NR3C2: variants seen among roughly 807,000 people sequenced by gnomAD.
NR3C2 encodes mineralocorticoid receptor.
Under a neutral mutation model 86.4 loss-of-function variants are expected in NR3C2, and 15 were observed. The observed-to-expected ratio is 0.17, with a 90% CI of 0.12 to 0.27. NR3C2 has a LOEUF of 0.27. Ranked by LOEUF, NR3C2 falls within the 10% of genes least tolerant of loss-of-function variation. NR3C2 has a pLI of 1.00. For missense variants in NR3C2, 960 were observed against 1,195.6 expected (o/e 0.80, Z 2.91); for synonymous variants, 458 against 450.5 (o/e 1.02, Z -0.21).
intron 3 of NR3C2, among the ~76,000 whole-genome samples, chr4:148,246,132 C>A (rs554943421): frequency 6.6e-6 from 1 of 152,040 alleles, no homozygotes; most frequent in East Asian, 1.9e-4. Flanking sequence ...AAACAGAGGG[C>A]TCTCTCCATG....
At chr4:148,198,848 A>C (rs1267797023) in intron 3 of NR3C2, among the ~76,000 whole-genome samples, 1 of 151,922 alleles carries the variant, frequency 6.6e-6, no homozygotes, top group Non-Finnish European at 1.5e-5. Flanking sequence ...TGGGAGGCCG[A>C]GGTGGGTGGA....
At chr4:148,130,236 C>CT (rs907758953) in intron 6 of NR3C2, among the ~76,000 whole-genome samples, 48 of 152,320 alleles carry the variant, frequency 3.2e-4, no homozygotes, top group African/African-American at 1.1e-3. Flanking sequence ...CTTTATCACT[C>CT]TTTTCTCTTT....
At chr4:148,379,539 A>G (rs540731083) in intron 2 of NR3C2, among the ~76,000 whole-genome samples, 1 of 152,344 alleles carries the variant, frequency 6.6e-6, no homozygotes, top group East Asian at 1.9e-4. Flanking sequence ...AGATTTCCTA[A>G]GCTGAATTTC....
At chr4:148,260,174 T>C (rs1740026074) in intron 2 of NR3C2, 57 bp from the exon 3 acceptor site, 10 of 1,607,016 alleles carry the variant, frequency 6.2e-6, no homozygotes, top group Non-Finnish European at 8.5e-6. Context: ...TTTAACATGC[T>C]GCACAGCTTA....
intron 2 of NR3C2, among the ~76,000 whole-genome samples, chr4:148,353,628 T>C (rs1454775917): frequency 1.3e-5 from 2 of 152,188 alleles, no homozygotes; most frequent in African/African-American, 4.8e-5. Context: ...TTTTCTATGA[T>C]GAATGAGTTT....
At chr4:148,370,831 G>A (rs1431022316) in intron 2 of NR3C2, among the ~76,000 whole-genome samples, 2 of 152,060 alleles carry the variant, frequency 1.3e-5, no homozygotes, top group African/African-American at 4.8e-5. Context: ...TTTACACTGA[G>A]GGTCAGTATC....
chr4:148,219,604 G>C (rs80238364), intron 3 of NR3C2, among the ~76,000 whole-genome samples: 1,664 of 152,232 alleles, frequency 0.011, 13 homozygotes, highest in Middle Eastern at 0.034. Context: ...ACAATTATCT[G>C]AAAAGGCTCT....
Position 148,402,664 on chromosome 4 carries a change from A to G in NR3C2, c.1757+32440T>C, listed in dbSNP as rs1333453009. On this transcript the variant is annotated intron_variant, in intron 2 of 8. Coordinates refer to ENST00000358102, the MANE Select transcript of NR3C2 (RefSeq NM_000901.5). ...TAAGTCCTTGAGGTAAGGAACTTCAATATCTTCATTTCAATATCCCTAGTA... is the reference window on the plus strand; with the variant it reads ...TAAGTCCTTGAGGTAAGGAACTTCAGTATCTTCATTTCAATATCCCTAGTA... 3.3e-5 allele frequency among the ~76,000 whole-genome samples: 5 copies of G among 152,332 alleles called. No individual in the cohort carries two copies. The East Asian group carries it at 7.7e-4, about 23-fold the overall frequency.
At chr4:148,183,735 G>A (rs1243513934) in intron 4 of NR3C2, among the ~76,000 whole-genome samples, 2 of 152,132 alleles carry the variant, frequency 1.3e-5, no homozygotes, top group Non-Finnish European at 2.9e-5. Flanking sequence ...AATGCCAATT[G>A]TTTATTCATG....
In NR3C2 at chr4:148,264,164, G is replaced by A. The variant is rs72655245; in HGVS notation, c.1758-4047C>T. Among the ~76,000 whole-genome samples, 934 of 152,258 alleles carry A rather than the reference G, an allele frequency of 6.1e-3. 7 individuals carry two copies. The highest frequency in any genetic ancestry group is 0.021 in the African/African-American group (889 of 41,548). ...AAAAAGAATCCAGGGACAGACTATT[G>A]TCAAAAGCTCAGCCAGCTGTCTTGC... On this transcript the variant is annotated intron_variant, in intron 2 of 8. Transcript: ENST00000358102.
chr4:148,426,962 T>C (rs1749567439), intron 2 of NR3C2, among the ~76,000 whole-genome samples: 1 of 140,464 alleles, frequency 7.1e-6, no homozygotes, highest in African/African-American at 2.7e-5. Context: ...TTTCTTTTTC[T>C]TTTTTTTTTT....
Position 148,154,531 on chromosome 4 carries a change from G to A in NR3C2, c.2365+20C>T. 1 of 1,610,730 alleles carries A rather than the reference G, an allele frequency of 6.2e-7. No homozygotes were observed. The highest frequency in any genetic ancestry group is 8.5e-7 in the Non-Finnish European group (1 of 1,176,976). The stretch of plus-strand genomic sequence containing the variant: ...TTGTTAAGTTCAGGATGCAGCCTGT[G>A]AAAGGAGAGGCAATCCTACCTGGAA... On this transcript the variant is annotated intron_variant, in intron 5 of 8. Transcript: ENST00000358102.
intron 2 of NR3C2, among the ~76,000 whole-genome samples, chr4:148,416,637 C>G (rs1463582431): frequency 6.6e-6 from 1 of 152,208 alleles, no homozygotes; most frequent in Non-Finnish European, 1.5e-5. Context: ...GCGATGGTCT[C>G]TATGCTCCCT....
intron 3 of NR3C2, among the ~76,000 whole-genome samples, chr4:148,249,741 A>G (rs762400127): frequency 2.6e-5 from 4 of 152,180 alleles, no homozygotes; most frequent in Admixed American, 2.6e-4. Context: ...ATTCACTGTT[A>G]ATTAGCAAGA....
intron 4 of NR3C2, among the ~76,000 whole-genome samples, chr4:148,156,771 GA>G (rs1372232660): frequency 6.6e-6 from 1 of 152,154 alleles, no homozygotes; most frequent in African/African-American, 2.4e-5. Flanking sequence ...TCTAGAACTG[GA>G]AATACCATTT....
chr4:148,232,396 G>A (rs759360487), intron 3 of NR3C2, among the ~76,000 whole-genome samples: 3 of 152,184 alleles, frequency 2.0e-5, no homozygotes, highest in South Asian at 2.1e-4. Context: ...GACTAGGTGC[G>A]TTGTCAGCAT....
intron 3 of NR3C2, among the ~76,000 whole-genome samples, chr4:148,212,151 A>AT (rs1307108891): frequency 2.0e-5 from 3 of 152,246 alleles, no homozygotes; most frequent in African/African-American, 7.2e-5. Flanking sequence ...GCAGCACTGC[A>AT]TTATCTTAAT....
intron 3 of NR3C2, 27 bp from the exon 4 acceptor site, chr4:148,194,889 TTAAAA>T (rs774732922): frequency 1.4e-5 from 21 of 1,480,834 alleles, no homozygotes; most frequent in African/African-American, 5.5e-5. Flanking sequence ...AAAATAACTG[TTAAAA>T]TAGAGTACAC....
rs566260225 is a variant in NR3C2, at chr4:148,165,372, C to T, written c.2015-10471G>A. Among the ~76,000 whole-genome samples, 28 of 151,824 alleles carry T rather than the reference C, an allele frequency of 1.8e-4. 1 individual carries two copies. In the East Asian group the frequency reaches 5.2e-3, roughly 28 times the overall value. On this transcript the variant is annotated intron_variant, in intron 4 of 8. Coordinates refer to ENST00000358102, the MANE Select transcript of NR3C2 (RefSeq NM_000901.5). ...TTTTATGATTAGTGTAATTTGTGTA[C>T]TAAGAAATAAAAACTTTTAATGAGG...
Sources: allele counts gnomAD v4.1 joint callset (sites outside exome capture counted in the v4.1 genomes callset), GRCh38; gene constraint gnomAD v4.1.1; transcripts MANE v1.5; gene names NCBI Gene and HGNC (gene_info 2026-07-23, HGNC 2026-07-21).